Variants in RCAN2 observed in about 807,000 individuals in gnomAD.
The protein encoded by RCAN2 is calcipressin-2.
RCAN2 carries 9 observed loss-of-function variants against 23.6 expected under a neutral mutation model. The observed-to-expected ratio is 0.38, with a 90% CI of 0.23 to 0.67. The LOEUF (loss-of-function observed/expected upper bound fraction) is 0.67, where lower values mean the gene tolerates loss of function less well. Among genes scored for constraint, RCAN2 ranks in the 30% least tolerant of loss-of-function variants. The probability of loss-of-function intolerance (pLI) is 0.51; values close to 1 mark genes in which losing one functional copy is unlikely to be tolerated. For synonymous variants in RCAN2, 109 were observed against 115.7 expected (o/e 0.94, Z 0.37); for missense variants, 273 against 302.3 (o/e 0.90, Z 0.72).
intron 4 of RCAN2, among the ~76,000 whole-genome samples, chr6:46,233,414 A>T (rs989768292): frequency 2.0e-5 from 3 of 152,212 alleles, no homozygotes; most frequent in African/African-American, 4.8e-5. Context: ...GCCCCTTTTG[A>T]AGAAACACTG....
At chr6:46,457,789 C>T (rs997987566) in intron 1 of RCAN2, among the ~76,000 whole-genome samples, 2 of 152,136 alleles carry the variant, frequency 1.3e-5, no homozygotes, top group African/African-American at 2.4e-5. Flanking sequence ...CACAGGTCCC[C>T]GTCCCTCCTT....
chr6:46,322,635 G>A (rs1306764508), intron 2 of RCAN2, among the ~76,000 whole-genome samples: 1 of 152,218 alleles, frequency 6.6e-6, no homozygotes, highest in Non-Finnish European at 1.5e-5. Context: ...TTGCCCATGG[G>A]GGCTACATGT....
intron 2 of RCAN2, among the ~76,000 whole-genome samples, chr6:46,344,188 C>A (rs751943616): frequency 6.6e-6 from 1 of 152,048 alleles, no homozygotes; most frequent in Non-Finnish European, 1.5e-5. Context: ...ATAAAATGTG[C>A]GGATTTTATG....
chr6:46,391,078 C>T (rs2150398322), intron 2 of RCAN2, among the ~76,000 whole-genome samples: 1 of 152,282 alleles, frequency 6.6e-6, no homozygotes, highest in Middle Eastern at 3.4e-3. Context: ...AGGCTTTGCT[C>T]ATAGCTCAGC....
At chr6:46,336,812 A>G (rs1258743078) in intron 2 of RCAN2, among the ~76,000 whole-genome samples, 1 of 152,214 alleles carries the variant, frequency 6.6e-6, no homozygotes, top group Non-Finnish European at 1.5e-5. Context: ...GATTACGGAG[A>G]TGCAGTAGTA....
chr6:46,266,015 A>G (rs1234321941), intron 2 of RCAN2, among the ~76,000 whole-genome samples: 5 of 152,202 alleles, frequency 3.3e-5, no homozygotes, highest in Non-Finnish European at 5.9e-5. Context: ...CAACTTATGG[A>G]TAACAGATCA....
chr6:46,323,968 G>A (rs1417149734), intron 2 of RCAN2, among the ~76,000 whole-genome samples: 1 of 152,188 alleles, frequency 6.6e-6, no homozygotes, highest in Non-Finnish European at 1.5e-5. Context: ...GATAACTGTT[G>A]AGGACAGAAG....
chr6:46,461,615 C>T (rs571737541), intron 1 of RCAN2, among the ~76,000 whole-genome samples: 11 of 147,782 alleles, frequency 7.4e-5, no homozygotes, highest in African/African-American at 2.5e-4. Context: ...GAGAGAGTTT[C>T]GCTCTTATTG....
At chr6:46,331,299 C>T (rs1006571441) in intron 2 of RCAN2, among the ~76,000 whole-genome samples, 4 of 152,152 alleles carry the variant, frequency 2.6e-5, no homozygotes, top group Non-Finnish European at 5.9e-5. Context: ...GCTTGAGACA[C>T]TGCACTCAGT....
chr6:46,473,117 T>C (rs1768615613), intron 1 of RCAN2, among the ~76,000 whole-genome samples: 1 of 152,230 alleles, frequency 6.6e-6, no homozygotes, highest in African/African-American at 2.4e-5. Context: ...ATTAGTTATA[T>C]GCATGTATGT....
At chr6:46,306,958 T>A (rs1321342428) in intron 2 of RCAN2, among the ~76,000 whole-genome samples, 1 of 152,154 alleles carries the variant, frequency 6.6e-6, no homozygotes, top group African/African-American at 2.4e-5. Context: ...CTACTTTGTT[T>A]GCTAATTTCA....
rs1766529393 is a variant in RCAN2 at position 46,246,811 on chromosome 6, T to A, written c.508A>T (p.Ile170Phe). Reference sequence around the variant, plus strand: ...TTGAGGACTGGCGTGGCATCGTTGATGGGCTGCCAGCCAACAGGTGGGGAG... The same window carrying A: ...TTGAGGACTGGCGTGGCATCGTTGAAGGGCTGCCAGCCAACAGGTGGGGAG... The part of the protein sequence containing the change: ...PSSPPVGWQP[I>F]NDATPVLNYD... The change falls in exon 4 of 5, where the codon ATC becomes TTC. Residue 170 changes from isoleucine (I) to phenylalanine (F), a missense_variant. By Grantham distance (21) the Ile-to-Phe change is conservative. Coordinates refer to ENST00000371374, the MANE Select transcript of RCAN2 (RefSeq NM_001251974.2). The A allele has an allele frequency of 6.2e-7, 1 of 1,613,486 alleles. No homozygotes were observed. The highest frequency in any genetic ancestry group is 1.7e-5 in the Admixed American group (1 of 59,978).
chr6:46,332,667 C>T (rs1764015650), intron 2 of RCAN2, among the ~76,000 whole-genome samples: 1 of 152,080 alleles, frequency 6.6e-6, no homozygotes, highest in African/African-American at 2.4e-5. Context: ...TATAGTATTC[C>T]ATGGTGTATA....
intron 1 of RCAN2, among the ~76,000 whole-genome samples, chr6:46,459,010 G>A (rs1768136319): frequency 6.6e-6 from 1 of 152,230 alleles, no homozygotes; most frequent in African/African-American, 2.4e-5. Flanking sequence ...TCCTGCCTCA[G>A]CCTGGGCCTT....
chr6:46,277,305 C>A (rs181313332), intron 2 of RCAN2, among the ~76,000 whole-genome samples: 30 of 152,250 alleles, frequency 2.0e-4, no homozygotes, highest in Admixed American at 1.8e-3. Flanking sequence ...GGGTAAAATA[C>A]CATTCTTGGT....
At chr6:46,377,567 G>C (rs1201167577) in intron 2 of RCAN2, among the ~76,000 whole-genome samples, 1 of 152,238 alleles carries the variant, frequency 6.6e-6, no homozygotes, top group Non-Finnish European at 1.5e-5. Context: ...TTTTCTGGCA[G>C]ACACTGGCTA....
At chr6:46,252,193 T>C (rs1007161816) in intron 2 of RCAN2, among the ~76,000 whole-genome samples, 2 of 152,116 alleles carry the variant, frequency 1.3e-5, no homozygotes, top group Non-Finnish European at 2.9e-5. Context: ...TCCAGCACAA[T>C]GAAGCCACCA....
intron 4 of RCAN2, among the ~76,000 whole-genome samples, chr6:46,229,389 C>T (rs980146538): frequency 1.3e-5 from 2 of 152,180 alleles, no homozygotes; most frequent in African/African-American, 2.4e-5. Context: ...CCATTCTCCC[C>T]GTCACTTTCA....
chr6:46,239,543 C>T (rs1238189113), intron 4 of RCAN2, among the ~76,000 whole-genome samples: 1 of 152,126 alleles, frequency 6.6e-6, no homozygotes, highest in African/African-American at 2.4e-5. Flanking sequence ...GACATTCTGC[C>T]TCAGTAGGCC....
Sources: gnomAD v4.1 joint callset for allele counts (sites outside exome capture counted in the v4.1 genomes callset) on GRCh38, gnomAD v4.1.1 for gene constraint, MANE v1.5 for transcripts, NCBI Gene and HGNC (gene_info 2026-07-23, HGNC 2026-07-21) for gene names.